SERPINA4: variants seen among roughly 807,000 people sequenced by gnomAD.
SERPINA4 encodes serpin family A member 4.
In SERPINA4, 24 loss-of-function variants were observed where a neutral mutation model predicts 25.4. The observed-to-expected ratio is 0.95, with a 90% CI of 0.69 to 1.33. The LOEUF is 1.33. Among genes scored for constraint, SERPINA4 ranks in the 40% most tolerant of loss-of-function variants. The pLI, the probability that SERPINA4 is intolerant of heterozygous loss-of-function variation, is 0.00. For missense variants in SERPINA4, 553 were observed against 535.8 expected (o/e 1.03, Z -0.32); for synonymous variants, 242 against 223.6 (o/e 1.08, Z -0.73).
rs2139907759 is a variant in SERPINA4 at position 94,568,383 on chromosome 14, G to C, written c.1083+95G>C. 2.3e-6 allele frequency: 3 copies of C among 1,331,884 alleles called. No individual in the cohort carries two copies. The East Asian group carries it at 7.1e-5, about 32-fold the overall frequency. 82.5% of individuals were successfully genotyped at this position (1,331,884 alleles called of 1,614,324 possible). A position where few individuals can be genotyped will look rare whatever the true frequency, so the allele number is the denominator to read the frequency against. On this transcript the variant is annotated intron_variant, in intron 4 of 4. Transcript: ENST00000557004. Reference sequence around the variant, plus strand: ...TGGGGCTCCCAAGCTGCCACATGGAGTCTCAGAGCCTGAGTGTGTTCAGTC... The same window carrying C: ...TGGGGCTCCCAAGCTGCCACATGGACTCTCAGAGCCTGAGTGTGTTCAGTC...
intron 2 of SERPINA4, among the ~76,000 whole-genome samples, chr14:94,566,346 T>C (rs1902209114): frequency 6.6e-6 from 1 of 152,202 alleles, no homozygotes; most frequent in South Asian, 2.1e-4. Flanking sequence ...CAATCCTACC[T>C]ACATATCTCC....
At chr14:94,562,640 C>T (rs751537029) in intron 1 of SERPINA4, among the ~76,000 whole-genome samples, 2 of 152,050 alleles carry the variant, frequency 1.3e-5, no homozygotes, top group African/African-American at 2.4e-5. Flanking sequence ...CAAAAAAAAC[C>T]CAACCCTGCA....
At position 94,563,631 on chromosome 14, in the gene SERPINA4, A is replaced by G; in HGVS notation, c.149A>G (p.Lys50Arg). The change falls in exon 2 of 5, where the codon AAG becomes AGG. Residue 50 changes from lysine to arginine, a missense_variant. Coordinates refer to ENST00000557004, the MANE Select transcript of SERPINA4 (RefSeq NM_006215.4). ...LETGEGSPSL[K>R]IAPANADFAF... ...ACAGGTGAGGGCTCCCCCAGCCTCA[A>G]GATAGCCCCTGCCAATGCTGACTTT... is the stretch of plus-strand genomic sequence containing the variant. 7.4e-6 allele frequency: 12 copies of G among 1,613,942 alleles called. No homozygotes were observed. Among genetic ancestry groups the G allele is most frequent in the Non-Finnish European group, 1.0e-5 (12 of 1,180,026 alleles).
chr14:94,569,644 A>G lies in SERPINA4; in HGVS notation c.*49A>G, dbSNP rs776241000. ...TCCAAGCAGGAGGATGTGGCAGGGG[A>G]GGGCTGGGAGTGAGTAGCTCTGTGT... is the stretch of plus-strand genomic sequence containing the variant. On this transcript the variant is annotated 3_prime_UTR_variant, in exon 5 of 5. Coordinates refer to ENST00000557004, the MANE Select transcript of SERPINA4 (RefSeq NM_006215.4). The G allele has an allele frequency of 1.0e-5, 16 of 1,588,946 alleles. No homozygotes were observed. The African/African-American group carries it at 1.5e-4, about 15-fold the overall frequency.
Position 94,563,986 on chromosome 14 carries a change from C to T in SERPINA4, c.504C>T (p.Phe168=). Residue 168 remains phenylalanine, a synonymous_variant, in exon 2 of 5, where the codon TTC becomes TTT. Transcript: ENST00000557004. The stretch of plus-strand genomic sequence containing the variant: ...TGGCCGTCTATGAGGCTAAACTCTT[C>T]CACACCAACTTCTACGACACTGTGG... ...DTMAVYEAKL[F]HTNFYDTVGT... The T allele has an allele frequency of 6.2e-7, 1 of 1,614,142 alleles. No homozygotes were observed. The highest frequency in any genetic ancestry group is 8.5e-7 in the Non-Finnish European group (1 of 1,180,028).
At chr14:94,566,218 C>A (rs962861443) in intron 2 of SERPINA4, among the ~76,000 whole-genome samples, 32 of 152,350 alleles carry the variant, frequency 2.1e-4, no homozygotes, top group African/African-American at 7.5e-4. Context: ...AAAGGTCTAA[C>A]TAGTCTACAT....
intron 1 of SERPINA4, among the ~76,000 whole-genome samples, chr14:94,562,569 C>T (rs1469957910): frequency 6.6e-6 from 1 of 152,120 alleles, no homozygotes; most frequent in South Asian, 2.1e-4. Flanking sequence ...CACCACTGCA[C>T]TCCAGCTTGG....
chr14:94,564,823 T>A (rs1173463791), intron 2 of SERPINA4, among the ~76,000 whole-genome samples: 1 of 152,254 alleles, frequency 6.6e-6, no homozygotes, highest in Non-Finnish European at 1.5e-5. Flanking sequence ...ATGATAACAA[T>A]GCTCATTTTG....
chr14:94,568,775 T>A (rs549057567), intron 4 of SERPINA4, among the ~76,000 whole-genome samples: 1 of 151,506 alleles, frequency 6.6e-6, no homozygotes, highest in East Asian at 1.9e-4. Context: ...GGTAGGAGAA[T>A]TGCTTGAGCC....
Position 94,568,207 on chromosome 14 carries a change from C to G in SERPINA4, c.1002C>G (p.Pro334=). Residue 334 remains proline (P), a synonymous_variant, in exon 4 of 5, where the codon CCC becomes CCG. Coordinates refer to ENST00000557004, the MANE Select transcript of SERPINA4 (RefSeq NM_006215.4). ...CCTATGTATTAGATCAGATTTTGCCCAGGCTGGGCTTCACGGATCTGTTCT... is the reference window on the plus strand; with the variant it reads ...CCTATGTATTAGATCAGATTTTGCCGAGGCTGGGCTTCACGGATCTGTTCT... The part of the protein sequence containing the change: ...SGSYVLDQIL[P]RLGFTDLFSK... 6.2e-7 allele frequency: 1 copy of G among 1,614,238 alleles called. No homozygotes were observed.
At chr14:94,564,439 C>G (rs929093919) in intron 2 of SERPINA4, among the ~76,000 whole-genome samples, 1 of 152,196 alleles carries the variant, frequency 6.6e-6, no homozygotes, top group African/African-American at 2.4e-5. Context: ...ACCAACAGTG[C>G]AAACAGGTCA....
intron 2 of SERPINA4, among the ~76,000 whole-genome samples, chr14:94,564,760 G>GT (rs1318271213): frequency 1.3e-5 from 2 of 152,342 alleles, no homozygotes; most frequent in Admixed American, 1.3e-4. Flanking sequence ...CTTTTGGTTT[G>GT]TTGACCCCTG....
chr14:94,563,815 G>C lies in SERPINA4; in HGVS notation c.333G>C (p.Glu111Asp). The change falls in exon 2 of 5, where the codon GAG (glutamate) becomes GAC (aspartate). Residue 111 changes from glutamate to aspartate, a missense_variant. Transcript: ENST00000557004. ...AGGGCCTGGGCTTCAACCTCACCGAGCTGTCTGAGTCCGATGTCCATAGGG... is the reference window on the plus strand; with the variant it reads ...AGGGCCTGGGCTTCAACCTCACCGACCTGTCTGAGTCCGATGTCCATAGGG... ...ILEGLGFNLTELSESDVHRGF... is the reference protein window; with the variant it reads ...ILEGLGFNLTDLSESDVHRGF... 1 of 1,614,156 alleles carries C rather than the reference G, an allele frequency of 6.2e-7. No homozygotes were observed.
chr14:94,563,208 A>G (rs1902079542), intron 1 of SERPINA4, among the ~76,000 whole-genome samples: 3 of 152,182 alleles, frequency 2.0e-5, no homozygotes, highest in African/African-American at 7.2e-5. Context: ...TGCTGTGCAG[A>G]GCTCACACAG....
At chr14:94,562,127 A>C (rs1419139359) in intron 1 of SERPINA4, among the ~76,000 whole-genome samples, 1 of 152,258 alleles carries the variant, frequency 6.6e-6, no homozygotes, top group Non-Finnish European at 1.5e-5. Context: ...ATAATATGAA[A>C]TTCACATTTC....
At chr14:94,563,445 G>C in intron 1 of SERPINA4, 21 bp from the exon 2 acceptor site, 1 of 1,573,914 alleles carries the variant, frequency 6.4e-7, no homozygotes, top group Non-Finnish European at 8.6e-7. Context: ...AATTTCCTGG[G>C]CATTCTCTTC....
rs882731 is a variant in SERPINA4 at position 94,561,507 on chromosome 14, C to T, written c.-18+13C>T. 0.35 allele frequency: 172,120 copies of T among 491,508 alleles called. 31,083 individuals are homozygous for T. Among genetic ancestry groups the T allele is most frequent in the East Asian group, 0.55 (7,682 of 14,020 alleles). 30.4% of individuals were successfully genotyped at this position (491,508 alleles called of 1,614,324 possible). ...GACAGACTGTGCCGTGAGTAACCCC[C>T]TGAGACAATGGAGACGAGAGACTCT... On this transcript the variant is annotated intron_variant, in intron 1 of 4. Coordinates refer to ENST00000557004, the MANE Select transcript of SERPINA4 (RefSeq NM_006215.4).
intron 1 of SERPINA4, chr14:94,561,814 T>A: frequency 7.8e-7 from 1 of 1,289,788 alleles, no homozygotes. Context: ...ATCCAGGTGA[T>A]CTTGGGGAGC....
intron 1 of SERPINA4, 52 bp from the exon 2 acceptor site, chr14:94,563,414 G>T: frequency 1.3e-6 from 2 of 1,540,672 alleles, no homozygotes; most frequent in South Asian, 2.5e-5. Flanking sequence ...TTCTCAGTAG[G>T]GCCAGGTGTT....
Sources: allele counts gnomAD v4.1 joint callset (sites outside exome capture counted in the v4.1 genomes callset), GRCh38; gene constraint gnomAD v4.1.1; transcripts MANE v1.5; gene names NCBI Gene and HGNC (gene_info 2026-07-23, HGNC 2026-07-21).